MKKS: variants seen among roughly 807,000 people sequenced by gnomAD.
MKKS encodes the protein molecular chaperone MKKS.
A neutral mutation model predicts 33.2 loss-of-function variants in MKKS; 29 were observed. The observed-to-expected ratio is 0.87, with a 90% confidence interval of 0.65 to 1.19. The LOEUF (loss-of-function observed/expected upper bound fraction) is 1.19, where lower values mean the gene tolerates loss of function less well. MKKS is among the 50% of genes most tolerant of loss of function. The pLI is 0.00. For synonymous variants in MKKS, 260 were observed against 244.0 expected (o/e 1.07, Z -0.61); for missense variants, 661 against 662.3 (o/e 1.00, Z 0.02).
chr20:10,411,625 G>A (rs6133915), intron 3 of MKKS, among the ~76,000 whole-genome samples: 22,023 of 152,120 alleles, frequency 0.14, 1,790 homozygotes, highest in East Asian at 0.24. Flanking sequence ...GAGATATTAT[G>A]TATTCAACAC....
intron 1 of MKKS, among the ~76,000 whole-genome samples, chr20:10,426,459 G>A (rs1249246544): frequency 2.0e-5 from 3 of 152,208 alleles, no homozygotes; most frequent in South Asian, 2.1e-4. Flanking sequence ...AAGGGGGAGC[G>A]TAGTGGTGTG....
intron 1 of MKKS, among the ~76,000 whole-genome samples, chr20:10,430,187 G>A (rs567091250): frequency 6.6e-6 from 1 of 152,320 alleles, no homozygotes; most frequent in South Asian, 2.1e-4. Context: ...CCAGTTTTCA[G>A]AAAGTCAAGC....
intron 1 of MKKS, among the ~76,000 whole-genome samples, chr20:10,421,757 CA>C (rs1307857260): frequency 2.0e-5 from 3 of 151,558 alleles, no homozygotes; most frequent in Non-Finnish European, 4.4e-5. Context: ...CCTGGAGTTA[CA>C]AAGTTAGTTA....
In MKKS at chr20:10,420,245, A is replaced by C. The variant is rs796326026; in HGVS notation, c.-418+283T>G. Among the ~76,000 whole-genome samples the C allele has an allele frequency of 4.6e-5, 7 of 152,336 alleles. 1 individual carries two copies. Among genetic ancestry groups the C allele is most frequent in the African/African-American group, 1.7e-4 (7 of 41,580 alleles). On this transcript the variant is annotated intron_variant, in intron 2 of 5. Transcript: ENST00000347364. ...TGGACTTTTGTGATATGTAATGGTA[A>C]GGAGTCAGGGGCTCCTTTGCACACA...
At chr20:10,418,686 T>A (rs1007124571) in intron 2 of MKKS, among the ~76,000 whole-genome samples, 5 of 152,162 alleles carry the variant, frequency 3.3e-5, no homozygotes, top group Non-Finnish European at 5.9e-5. Context: ...CCAAGAGTAT[T>A]TCTTTTTGCA....
At chr20:10,409,554 A>G (rs1340745437) in intron 3 of MKKS, among the ~76,000 whole-genome samples, 2 of 152,206 alleles carry the variant, frequency 1.3e-5, no homozygotes, top group Non-Finnish European at 2.9e-5. Flanking sequence ...AAACTCCTAC[A>G]AGAAACAATA....
chr20:10,427,029 GACACACACAC>G lies in MKKS; in HGVS notation c.-648-6281_-648-6272del, dbSNP rs377703248. 9.3e-3 allele frequency among the ~76,000 whole-genome samples: 1,211 copies of G among 130,762 alleles called. 12 individuals are homozygous for G. The highest frequency in any genetic ancestry group is 0.013 in the Middle Eastern group (3 of 236). The allele number at this position is 130,762 out of a possible 152,430, so 85.8% of individuals were successfully genotyped here. Reference sequence around the variant, plus strand: ...TTAAAGGCCAAGAAAAGAAAACACTGACACACACACACACACACACACACACACACACACA... The same window carrying G: ...TTAAAGGCCAAGAAAAGAAAACACTGACACACACACACACACACACACACA... On this transcript the variant is annotated intron_variant, in intron 1 of 5. Coordinates refer to ENST00000347364, the MANE Select transcript of MKKS (RefSeq NM_170784.3).
chr20:10,408,619 A>C lies in MKKS; in HGVS notation c.1161+9T>G. 6.2e-7 allele frequency: 1 copy of C among 1,613,804 alleles called. No individual in the cohort carries two copies. Among genetic ancestry groups the C allele is most frequent in the Non-Finnish European group, 8.5e-7 (1 of 1,179,792 alleles). Reference sequence around the variant, plus strand: ...CCTCTGCATATGGAATTCAAAGTTCATTACCTACCTTCAGCTCATCCCAGG... The same window carrying C: ...CCTCTGCATATGGAATTCAAAGTTCCTTACCTACCTTCAGCTCATCCCAGG... On this transcript the variant is annotated intron_variant, in intron 4 of 5. Transcript: ENST00000347364.
intron 1 of MKKS, among the ~76,000 whole-genome samples, 151 bp downstream of exon 1, chr20:10,433,957 C>G (rs2065076880): frequency 6.6e-6 from 1 of 152,216 alleles, no homozygotes; most frequent in Non-Finnish European, 1.5e-5. Flanking sequence ...CTACAGAGAG[C>G]CAGCCTCCTC....
At chr20:10,422,165 T>A (rs1312651820) in intron 1 of MKKS, among the ~76,000 whole-genome samples, 1 of 152,194 alleles carries the variant, frequency 6.6e-6, no homozygotes, top group Non-Finnish European at 1.5e-5. Flanking sequence ...CATGTTATTC[T>A]TAGCATTATA....
rs1270021001 is a variant in MKKS, at chr20:10,402,899, A to G, written c.*2348T>C. 1.3e-5 allele frequency: 2 copies of G among 152,244 alleles called. No individual in the cohort carries two copies. The highest frequency in any genetic ancestry group is 6.5e-5 in the Admixed American group (1 of 15,288). 9.4% of individuals were successfully genotyped at this position (152,244 alleles called of 1,614,324 possible). ...GCCTTTATTAGATAGCTATTGCTGT[A>G]TAAGAAAGTACATCCCAAATTTGAC... On this transcript the variant is annotated 3_prime_UTR_variant, in exon 6 of 6. Coordinates refer to ENST00000347364, the MANE Select transcript of MKKS (RefSeq NM_170784.3).
intron 3 of MKKS, among the ~76,000 whole-genome samples, chr20:10,410,018 A>C (rs1441628361): frequency 6.6e-6 from 1 of 150,798 alleles, no homozygotes; most frequent in East Asian, 2.0e-4. Flanking sequence ...TAAAATGCCT[A>C]AAAACACTTC....
intron 1 of MKKS, among the ~76,000 whole-genome samples, chr20:10,430,214 G>C (rs1422489750): frequency 6.6e-6 from 1 of 152,132 alleles, no homozygotes; most frequent in African/African-American, 2.4e-5. Flanking sequence ...AATCATTTTT[G>C]TAAGAATGCA....
rs151079827 is a variant in MKKS, at chr20:10,408,871, A to G, written c.986-68T>C. Reference sequence around the variant, plus strand: ...GTGGAGCAAACAACCATTTAAAAGTATATTTATTCCTAGCCAACATAAAAG... The same window carrying G: ...GTGGAGCAAACAACCATTTAAAAGTGTATTTATTCCTAGCCAACATAAAAG... On this transcript the variant is annotated intron_variant, in intron 3 of 5. Transcript: ENST00000347364. 2.0e-4 allele frequency: 248 copies of G among 1,246,874 alleles called. No individual in the cohort carries two copies. In the East Asian group the frequency reaches 3.7e-3, roughly 19 times the overall value. The allele number at this position is 1,246,874 out of a possible 1,614,324, so 77.2% of individuals were successfully genotyped here.
At position 10,417,471 on chromosome 20, in the gene MKKS, T is replaced by G. The variant is rs568344172; in HGVS notation, c.-418+3057A>C. Among the ~76,000 whole-genome samples the G allele has an allele frequency of 1.1e-3, 166 of 152,170 alleles. 1 individual carries two copies. Among genetic ancestry groups the G allele is most frequent in the African/African-American group, 3.6e-3 (149 of 41,522 alleles). The stretch of plus-strand genomic sequence containing the variant: ...AAAAATATTTTAGAACTTAGCCAGG[T>G]GTGGTGGCGGATGCCTATAGTCCCA... On this transcript the variant is annotated intron_variant, in intron 2 of 5. Coordinates refer to ENST00000347364, the MANE Select transcript of MKKS (RefSeq NM_170784.3).
intron 3 of MKKS, among the ~76,000 whole-genome samples, chr20:10,411,524 CCAA>C (rs1299110932): frequency 4.6e-5 from 7 of 152,166 alleles, no homozygotes; most frequent in East Asian, 1.9e-4. Context: ...ACTTACCATA[CCAA>C]CAACGAGTTC....
rs375066177 is a variant in MKKS at position 10,412,578 on chromosome 20, T to C, written c.937A>G (p.Ile313Val). ...QFLNMHRIIA[I>V]DRIGVTLMEP... ...ATCAGAGTCACTCCAATTCTGTCTA[T>C]GGCAATAATACGATGCATATTGAGA... Residue 313 changes from isoleucine to valine, a missense_variant, in exon 3 of 6, where the codon ATA (isoleucine) becomes GTA (valine). Transcript: ENST00000347364. 17 of 1,614,018 alleles carry C rather than the reference T, an allele frequency of 1.1e-5. No homozygotes were observed. Among genetic ancestry groups the C allele is most frequent in the Non-Finnish European group, 1.4e-5 (17 of 1,180,014 alleles).
At chr20:10,412,266 C>T (rs2064894299) in intron 3 of MKKS, among the ~76,000 whole-genome samples, 1 of 152,128 alleles carries the variant, frequency 6.6e-6, no homozygotes, top group Non-Finnish European at 1.5e-5. Flanking sequence ...TGTTAGACTT[C>T]TCAATAACCT....
intron 1 of MKKS, 50 bp from the exon 2 acceptor site, chr20:10,420,808 T>C (rs1029970884): frequency 2.6e-5 from 4 of 152,174 alleles, no homozygotes; most frequent in Non-Finnish European, 5.9e-5. Context: ...ACCCATAACC[T>C]CCCTTTAATT....
Sources: allele counts gnomAD v4.1 joint callset (sites outside exome capture counted in the v4.1 genomes callset), GRCh38; gene constraint gnomAD v4.1.1; transcripts MANE v1.5; gene names NCBI Gene and HGNC (gene_info 2026-07-23, HGNC 2026-07-21).